Variants in CNTN3 observed in about 807,000 individuals in gnomAD.
The protein encoded by CNTN3 is contactin 3, also known as contactin-3.
A neutral mutation model predicts 119.1 loss-of-function variants in CNTN3; 60 were observed. The ratio of observed to expected loss-of-function variants is 0.50; its 90% CI spans 0.41 to 0.62. CNTN3 has a LOEUF of 0.62. Among genes scored for constraint, CNTN3 ranks in the 20% least tolerant of loss-of-function variants. The pLI is 0.00. For synonymous variants in CNTN3, 450 were observed against 438.7 expected, an observed-to-expected ratio of 1.03 and a Z score of -0.32; for missense variants, 1,101 against 1,242.4, an observed-to-expected ratio of 0.89 and a Z score of 1.71.
intron 1 of CNTN3, among the ~76,000 whole-genome samples, chr3:74,524,112 AAAG>A (rs1188658883): frequency 1.3e-5 from 2 of 151,968 alleles, no homozygotes; most frequent in East Asian, 3.9e-4. Flanking sequence ...GAGAAGGCAT[AAAG>A]AAGGTGATTG....
intron 1 of CNTN3, among the ~76,000 whole-genome samples, chr3:74,579,131 T>C (rs1477752410): frequency 6.6e-6 from 1 of 151,730 alleles, no homozygotes; most frequent in Non-Finnish European, 1.5e-5. Flanking sequence ...CAAAGTAGAC[T>C]TCAAGGCAAA....
intron 17 of CNTN3, among the ~76,000 whole-genome samples, chr3:74,298,903 AAAAGG>A (rs1702397656): frequency 2.7e-5 from 2 of 74,378 alleles, no homozygotes; most frequent in East Asian, 2.2e-3. Context: ...AAAAAAAAAA[AAAAGG>A]GAAGTAAATA....
At chr3:74,352,448 G>C (rs983827533) in intron 11 of CNTN3, among the ~76,000 whole-genome samples, 1 of 152,184 alleles carries the variant, frequency 6.6e-6, no homozygotes, top group Admixed American at 6.5e-5. Flanking sequence ...TGTTGTCTTG[G>C]AGGTAATTAC....
chr3:74,431,120 G>A lies in CNTN3; in HGVS notation c.359-6180C>T, dbSNP rs569145115. Among the ~76,000 whole-genome samples the A allele has an allele frequency of 3.3e-5, 5 of 152,230 alleles. No homozygotes were observed. In the South Asian group the frequency reaches 8.3e-4, roughly 25 times the overall value. On this transcript the variant is annotated intron_variant, in intron 4 of 22. Transcript: ENST00000263665. Reference sequence around the variant, plus strand: ...TATAAAAGTCTTCACTTTGATACACGTCTGTTAATTTTCTATATTGGGCCA... The same window carrying A: ...TATAAAAGTCTTCACTTTGATACACATCTGTTAATTTTCTATATTGGGCCA...
chr3:74,450,669 CA>C (rs1702135039), intron 4 of CNTN3, among the ~76,000 whole-genome samples: 1 of 125,018 alleles, frequency 8.0e-6, no homozygotes, highest in Non-Finnish European at 1.7e-5. Context: ...CCCCTCCCCC[CA>C]CCCCACAACA....
intron 1 of CNTN3, among the ~76,000 whole-genome samples, chr3:74,565,070 G>T (rs1704206913): frequency 1.3e-5 from 2 of 152,076 alleles, no homozygotes; most frequent in South Asian, 2.1e-4. Flanking sequence ...CAAAAGAAAA[G>T]AAAAAGACAT....
chr3:74,463,780 C>T (rs1383814245), intron 4 of CNTN3, among the ~76,000 whole-genome samples: 1 of 152,140 alleles, frequency 6.6e-6, no homozygotes, highest in Non-Finnish European at 1.5e-5. Context: ...CACTTCCTCT[C>T]TAATGAAATG....
At chr3:74,333,339 G>A (rs764021471) in intron 13 of CNTN3, among the ~76,000 whole-genome samples, 6 of 152,198 alleles carry the variant, frequency 3.9e-5, no homozygotes, top group East Asian at 1.9e-4. Context: ...CAGTTCTGAT[G>A]GCTGGAAGTC....
chr3:74,283,761 A>G (rs1265065273), intron 20 of CNTN3, among the ~76,000 whole-genome samples: 1 of 152,200 alleles, frequency 6.6e-6, no homozygotes, highest in East Asian at 1.9e-4. Flanking sequence ...TGATTCAGTA[A>G]GAATTGTTGA....
At chr3:74,327,694 T>C (rs1480280202) in intron 13 of CNTN3, among the ~76,000 whole-genome samples, 1 of 152,110 alleles carries the variant, frequency 6.6e-6, no homozygotes. Context: ...AGCCCTAAAA[T>C]CCTTATTATT....
At chr3:74,295,353 T>A (rs1702317458) in intron 18 of CNTN3, 117 bp from the exon 19 acceptor site, 2 of 588,824 alleles carry the variant, frequency 3.4e-6, no homozygotes, top group South Asian at 5.1e-5. Context: ...GTATGAAATA[T>A]TCTGGCACCA....
chr3:74,338,391 T>C (rs188983781), intron 11 of CNTN3, among the ~76,000 whole-genome samples: 3 of 152,104 alleles, frequency 2.0e-5, no homozygotes, highest in East Asian at 3.9e-4. Flanking sequence ...CATATGTGTA[T>C]GTGTGTATAT....
chr3:74,533,469 A>C (rs1227358302), intron 1 of CNTN3, among the ~76,000 whole-genome samples: 1 of 152,040 alleles, frequency 6.6e-6, no homozygotes, highest in Admixed American at 6.6e-5. Flanking sequence ...TAATAATGGC[A>C]AACACTCAGA....
intron 11 of CNTN3, among the ~76,000 whole-genome samples, chr3:74,343,507 T>C (rs1703600387): frequency 6.6e-6 from 1 of 152,220 alleles, no homozygotes. Context: ...AAGTGCAAGA[T>C]ACCTGCATTT....
chr3:74,316,228 T>C (rs576740129), intron 13 of CNTN3, among the ~76,000 whole-genome samples: 7 of 151,992 alleles, frequency 4.6e-5, no homozygotes, highest in Non-Finnish European at 8.8e-5. Flanking sequence ...AAAAAACATA[T>C]GAAAAAATGC....
chr3:74,341,690 T>C (rs1703551633), intron 11 of CNTN3, among the ~76,000 whole-genome samples: 1 of 152,132 alleles, frequency 6.6e-6, no homozygotes, highest in Non-Finnish European at 1.5e-5. Flanking sequence ...AGTGATGGCA[T>C]TAAATTTATG....
chr3:74,314,798 T>C (rs1274247633), intron 13 of CNTN3, among the ~76,000 whole-genome samples: 1 of 152,190 alleles, frequency 6.6e-6, no homozygotes, highest in Non-Finnish European at 1.5e-5. Context: ...CAATCAATTG[T>C]ATATAATGGA....
intron 1 of CNTN3, among the ~76,000 whole-genome samples, chr3:74,600,820 T>G (rs972885309): frequency 1.3e-5 from 2 of 152,018 alleles, no homozygotes; most frequent in Non-Finnish European, 2.9e-5. Context: ...GGCCAGATTT[T>G]TTCAACCAGA....
rs760494054 is a variant in CNTN3, at chr3:74,267,365, T to C, written c.2718A>G (p.Pro906=). ...TGGCATTCCAAACAACATTTCCTGG[T>C]GGCTGACTGGGAGCTTGAAATGCAA... The part of the protein sequence containing the change: ...VTTKKTPPSQ[P]PGNVVWNATD... The change falls in exon 21 of 23, where the codon CCA becomes CCG. Residue 906 remains proline, a synonymous_variant. Coordinates refer to ENST00000263665, the MANE Select transcript of CNTN3 (RefSeq NM_020872.3). 36 of 1,612,252 alleles carry C rather than the reference T, an allele frequency of 2.2e-5. No homozygotes were observed. The highest frequency in any genetic ancestry group is 3.1e-5 in the Non-Finnish European group (36 of 1,178,500).
Sources: gnomAD v4.1 joint callset for allele counts (sites outside exome capture counted in the v4.1 genomes callset) on GRCh38, gnomAD v4.1.1 for gene constraint, MANE v1.5 for transcripts, NCBI Gene and HGNC (gene_info 2026-07-23, HGNC 2026-07-21) for gene names.